Variants in STAT5B observed in about 807,000 individuals in gnomAD.
STAT5B encodes signal transducer and activator of transcription 5B.
STAT5B carries 21 observed loss-of-function variants against 107.8 expected under a neutral mutation model. That is an observed-to-expected ratio of 0.19 (90% CI 0.14 to 0.28). STAT5B has a LOEUF of 0.28. STAT5B is among the 10% of genes least tolerant of loss of function. STAT5B has a pLI of 1.00. For missense variants in STAT5B, 565 were observed against 1,008.2 expected (o/e 0.56, Z 5.95); for synonymous variants, 325 against 401.7 (o/e 0.81, Z 2.28).
At chr17:42,227,478 G>C (rs758796099) in intron 3 of STAT5B, 51 bp downstream of exon 3, 2 of 1,611,180 alleles carry the variant, frequency 1.2e-6, no homozygotes, top group Admixed American at 1.7e-5. Flanking sequence ...TCTACAGGAA[G>C]AAGACCCCCA....
intron 1 of STAT5B, among the ~76,000 whole-genome samples, chr17:42,254,288 G>C (rs1040647649): frequency 6.6e-6 from 1 of 152,184 alleles, no homozygotes; most frequent in Non-Finnish European, 1.5e-5. Flanking sequence ...GCTGAGGTGG[G>C]AGGATGGCTT....
upstream of STAT5B, among the ~76,000 whole-genome samples, chr17:42,281,268 C>G (rs79445227): frequency 1.3e-5 from 2 of 152,102 alleles, no homozygotes; most frequent in Non-Finnish European, 2.9e-5. Context: ...ATATATGTTT[C>G]AAATCCACAG....
chr17:42,287,580 A>G, the STAT5B span: 1 of 152,366 alleles, frequency 6.6e-6, no homozygotes, highest in Non-Finnish European at 1.5e-5. Flanking sequence ...CAAGGCCTGT[A>G]GAGAGTTTCG....
chr17:42,227,901 T>A (rs900700883), intron 2 of STAT5B, among the ~76,000 whole-genome samples: 9 of 150,386 alleles, frequency 6.0e-5, no homozygotes, highest in East Asian at 1.9e-4. Flanking sequence ...TTCCTTCTTT[T>A]AAAAAAAAAA....
chr17:42,245,563 C>T (rs971214512), intron 1 of STAT5B, among the ~76,000 whole-genome samples: 10 of 151,846 alleles, frequency 6.6e-5, no homozygotes, highest in African/African-American at 2.4e-4. Flanking sequence ...GCTCTTATTG[C>T]CCAGGCTGGA....
At chr17:42,269,697 T>C (rs898612346) in intron 1 of STAT5B, 2 of 152,238 alleles carry the variant, frequency 1.3e-5, no homozygotes, top group African/African-American at 4.8e-5. Context: ...GCACAGGGAA[T>C]TGAAGTTCTT....
chr17:42,280,146 A>AC (rs2080789712), upstream of STAT5B, among the ~76,000 whole-genome samples: 2 of 152,016 alleles, frequency 1.3e-5, no homozygotes, highest in South Asian at 4.2e-4. Flanking sequence ...ATCCTGAAAG[A>AC]CCCCACAGTC....
intron 5 of STAT5B, among the ~76,000 whole-genome samples, chr17:42,222,165 T>A (rs1214995011): frequency 1.3e-5 from 2 of 149,324 alleles, no homozygotes; most frequent in Non-Finnish European, 3.0e-5. Context: ...GTGTGATGTG[T>A]GTGGTGTGTG....
chr17:42,229,899 A>T (rs2080304409), intron 2 of STAT5B, among the ~76,000 whole-genome samples: 1 of 152,116 alleles, frequency 6.6e-6, no homozygotes, highest in South Asian at 2.1e-4. Flanking sequence ...CTTCATTAAA[A>T]TCTTTATATT....
intron 1 of STAT5B, among the ~76,000 whole-genome samples, chr17:42,248,720 T>C (rs1457098009): frequency 2.0e-5 from 3 of 152,226 alleles, no homozygotes; most frequent in Non-Finnish European, 4.4e-5. Flanking sequence ...AGAGCCCTTC[T>C]GTGTATGTGT....
At chr17:42,283,017 T>A in the STAT5B span, among the ~76,000 whole-genome samples, 6 of 152,064 alleles carry the variant, frequency 3.9e-5, no homozygotes, top group African/African-American at 1.4e-4. Flanking sequence ...AGAAACAGAT[T>A]CTACAGAAAG....
chr17:42,220,614 ACACG>A (rs950208946), intron 5 of STAT5B, among the ~76,000 whole-genome samples: 1 of 152,094 alleles, frequency 6.6e-6, no homozygotes, highest in African/African-American at 2.4e-5. Context: ...CAACCAGGGA[ACACG>A]GACAGACAGA....
intron 16 of STAT5B, among the ~76,000 whole-genome samples, chr17:42,206,657 T>G (rs2080087564): frequency 6.7e-6 from 1 of 150,082 alleles, no homozygotes; most frequent in Non-Finnish European, 1.5e-5. Context: ...TCACCACAAC[T>G]TCCACCTCTC....
rs866070931 is a variant in STAT5B at position 42,262,968 on chromosome 17, G to A, written c.-11+13280C>T. Among the ~76,000 whole-genome samples the A allele has an allele frequency of 7.3e-3, 238 of 32,596 alleles. 1 individual carries two copies. Among genetic ancestry groups the A allele is most frequent in the Non-Finnish European group, 0.011 (200 of 18,408 alleles). The allele number at this position is 32,596 out of a possible 152,430, so 21.4% of individuals were successfully genotyped here. A position where few individuals can be genotyped will look rare whatever the true frequency, so the allele number is the denominator to read the frequency against. ...TGTGTGTGTGTGTGTGTGTGTGTGT[G>A]TGTATATATATATATATATATATAT... is the stretch of plus-strand genomic sequence containing the variant. On this transcript the variant is annotated intron_variant, in intron 1 of 18. Coordinates refer to ENST00000293328, the MANE Select transcript of STAT5B (RefSeq NM_012448.4).
intron 15 of STAT5B, among the ~76,000 whole-genome samples, chr17:42,207,943 G>A (rs535077424): frequency 6.6e-6 from 1 of 152,316 alleles, no homozygotes; most frequent in Non-Finnish European, 1.5e-5. Context: ...TTACCAGGTT[G>A]GAGTGCAGTG....
chr17:42,282,074 G>C, the STAT5B span, among the ~76,000 whole-genome samples: 2 of 152,170 alleles, frequency 1.3e-5, no homozygotes, highest in African/African-American at 4.8e-5. Context: ...GGTGGGGGTG[G>C]TCAGTGAACA....
rs548216999 is a variant in STAT5B, at chr17:42,262,721, AAATG to A, written c.-11+13523_-11+13526del. On this transcript the variant is annotated intron_variant, in intron 1 of 18. Transcript: ENST00000293328. ...TTTTTTTCAAAACATCTTCAATATGAAATGAATAACTTAGCAGAGTGTGTATATA... is the reference window on the plus strand; with the variant it reads ...TTTTTTTCAAAACATCTTCAATATGAAATAACTTAGCAGAGTGTGTATATA... Among the ~76,000 whole-genome samples, 24 of 146,522 alleles carry A rather than the reference AAATG, an allele frequency of 1.6e-4. 1 individual carries two copies. The South Asian group carries it at 4.3e-3, about 26-fold the overall frequency.
chr17:42,200,294 C>A lies in STAT5B; in HGVS notation c.*1444G>T, dbSNP rs1315988781. Reference sequence around the variant, plus strand: ...CCATCCTCTCCTGGGGGTGCCCATGCCCTTCTTTTGGAGAGGGGGCCGAGG... The same window carrying A: ...CCATCCTCTCCTGGGGGTGCCCATGACCTTCTTTTGGAGAGGGGGCCGAGG... On this transcript the variant is annotated 3_prime_UTR_variant, in exon 19 of 19. Transcript: ENST00000293328. 1 of 152,648 alleles carries A rather than the reference C, an allele frequency of 6.6e-6. No individual in the cohort carries two copies. The highest frequency in any genetic ancestry group is 1.5e-5 in the Non-Finnish European group (1 of 68,022). The allele number at this position is 152,648 out of a possible 1,614,324, so 9.5% of individuals were successfully genotyped here.
At chr17:42,229,410 A>G (rs1448977767) in intron 2 of STAT5B, among the ~76,000 whole-genome samples, 4 of 151,544 alleles carry the variant, frequency 2.6e-5, no homozygotes, top group Non-Finnish European at 4.4e-5. Context: ...TCAGCCTCCC[A>G]AAGTGCTGGG....
Sources: gnomAD v4.1 joint callset for allele counts (sites outside exome capture counted in the v4.1 genomes callset) on GRCh38, gnomAD v4.1.1 for gene constraint, MANE v1.5 for transcripts, NCBI Gene and HGNC (gene_info 2026-07-23, HGNC 2026-07-21) for gene names.